Variants in RUNDC3A observed in about 807,000 individuals in gnomAD.
The protein encoded by RUNDC3A is RUN domain-containing protein 3A.
Under a neutral mutation model 53.9 loss-of-function variants are expected in RUNDC3A, and 28 were observed. That is an observed-to-expected ratio of 0.52 (90% CI 0.38 to 0.71). RUNDC3A has a LOEUF of 0.71. Among genes scored for constraint, RUNDC3A ranks in the 30% least tolerant of loss-of-function variants. The pLI is 0.00. For synonymous variants in RUNDC3A, 232 were observed against 249.4 expected (o/e 0.93, Z 0.66); for missense variants, 491 against 597.3 (o/e 0.82, Z 1.85).
Position 44,315,242 on chromosome 17 carries a change from G to A in RUNDC3A, c.717G>A (p.Pro239=), listed in dbSNP as rs1173234751. The A allele has an allele frequency of 9.0e-6, 14 of 1,550,810 alleles. No individual in the cohort carries two copies. The highest frequency in any genetic ancestry group is 1.2e-5 in the Non-Finnish European group (14 of 1,146,954). Residue 239 remains proline, a synonymous_variant, in exon 7 of 11, where the codon CCG becomes CCA. Coordinates refer to ENST00000426726, the MANE Select transcript of RUNDC3A (RefSeq NM_001144825.2). This position sits in a 1 kb window ranked among gnomAD's most constrained non-coding sequence, Gnocchi z 6.1. The stretch of plus-strand genomic sequence containing the variant: ...ACTCGCCCGAGCACCCGTACCTCCC[G>A]CTCGTCACCGATGAGGACAGCTGGT... ...EDNSPEHPYL[P]LVTDEDSWYS...
intron 1 of RUNDC3A, chr17:44,310,739 G>A (rs2047733682): frequency 1.0e-6 from 1 of 985,506 alleles, no homozygotes. Context: ...CGGGGGCAAT[G>A]ACCACCTCTG....
chr17:44,313,434 G>C lies in RUNDC3A; in HGVS notation c.389G>C (p.Arg130Pro), dbSNP rs563233289. The change falls in exon 4 of 11, where the codon CGG (arginine) becomes CCG (proline). Residue 130 changes from arginine to proline, a missense_variant. By Grantham distance (103) the Arg-to-Pro change is moderately radical (BLOSUM62 -2). Coordinates refer to ENST00000426726, the MANE Select transcript of RUNDC3A (RefSeq NM_001144825.2). ...TARAKGRAWI[R>P]VALMEKRMSE... The stretch of plus-strand genomic sequence containing the variant: ...GATTTCCAGGGCCGGGCATGGATCC[G>C]GGTGGCACTGATGGAGAAGCGCATG... 6.2e-7 allele frequency: 1 copy of C among 1,613,790 alleles called. No individual in the cohort carries two copies. The highest frequency in any genetic ancestry group is 1.3e-5 in the African/African-American group (1 of 74,900).
At position 44,312,072 on chromosome 17, in the gene RUNDC3A, C is replaced by G. The variant is rs929351416; in HGVS notation, c.108-508C>G. 2.0e-5 allele frequency among the ~76,000 whole-genome samples: 3 copies of G among 152,316 alleles called. No homozygotes were observed. The East Asian group carries it at 5.8e-4, about 29-fold the overall frequency. ...CCACACTCCATGTGCACAGTGCCAA[C>G]TCACATGCCCTGGTACAGGTGACCC... is the stretch of plus-strand genomic sequence containing the variant. On this transcript the variant is annotated intron_variant, in intron 1 of 10. Coordinates refer to ENST00000426726, the MANE Select transcript of RUNDC3A (RefSeq NM_001144825.2).
chr17:44,312,737 C>A (rs764456019), intron 2 of RUNDC3A, 42 bp downstream of exon 2: 37 of 1,006,082 alleles, frequency 3.7e-5, no homozygotes, highest in Non-Finnish European at 4.6e-5. Context: ...TCCCCCAGCG[C>A]CCCTCCCCCA....
In RUNDC3A at chr17:44,313,253, G is replaced by A. The variant is rs930727882; in HGVS notation, c.372+1G>A. The A allele has an allele frequency of 6.2e-7, 1 of 1,613,776 alleles. No individual in the cohort carries two copies. Among genetic ancestry groups the A allele is most frequent in the Non-Finnish European group, 8.5e-7 (1 of 1,179,836 alleles). ...GAACATCAGCACAGCCCGGGCCAAG[G>A]TGAGGGGCCTGAAGCAAGCAACTGC... On this transcript the variant is annotated splice_donor_variant, in intron 3 of 10. Coordinates refer to ENST00000426726, the MANE Select transcript of RUNDC3A (RefSeq NM_001144825.2). LOFTEE classifies it high-confidence loss of function.
rs890063863 is a variant in RUNDC3A, at chr17:44,316,731, C to T, written c.1198+6C>T. On this transcript the variant is annotated splice_donor_region_variant and intron_variant, in intron 10 of 10. Transcript: ENST00000426726. ...GGAGCCCTGGGGTCCCATCGGTGAG[C>T]TCCCCCAACCCAACACCCAGTACCC... The T allele has an allele frequency of 4.5e-5, 69 of 1,544,020 alleles. No homozygotes were observed. The African/African-American group carries it at 8.2e-4, about 18-fold the overall frequency.
In RUNDC3A at chr17:44,317,326, A is replaced by G. The variant is rs533205043; in HGVS notation, c.1198+601A>G. ...TAAATGGGGATGTTGATAATCACCA[A>G]TGTTGTCACATGGTGAGGGCTCAGT... On this transcript the variant is annotated intron_variant, in intron 10 of 10. Coordinates refer to ENST00000426726, the MANE Select transcript of RUNDC3A (RefSeq NM_001144825.2). 2.6e-5 allele frequency among the ~76,000 whole-genome samples: 4 copies of G among 152,270 alleles called. No individual in the cohort carries two copies. In the East Asian group the frequency reaches 7.7e-4, roughly 29 times the overall value.
rs367599802 is a variant in RUNDC3A at position 44,312,615 on chromosome 17, C to T, written c.143C>T (p.Ala48Val). The T allele has an allele frequency of 1.6e-5, 26 of 1,581,844 alleles. No individual in the cohort carries two copies. The highest frequency in any genetic ancestry group is 9.2e-5 in the East Asian group (4 of 43,308). The change falls in exon 2 of 11, where the codon GCG (alanine) becomes GTG (valine). Residue 48 changes from alanine (A) to valine (V), a missense_variant. Transcript: ENST00000426726. ...SVKTLLEKYT[A>V]EPIDDSSEEF... ...AAAACGCTGCTGGAGAAGTACACAG[C>T]GGAGCCCATCGATGACTCATCGGAG...
chr17:44,314,558 C>T lies in RUNDC3A; in HGVS notation c.459-177C>T, dbSNP rs1382395253. On this transcript the variant is annotated intron_variant, in intron 4 of 10. Transcript: ENST00000426726. ...GAACACCCATTCTAGGTGATGGGGCCACAGGTGCGAGCCCCAGGCTGAAGG... is the reference window on the plus strand; with the variant it reads ...GAACACCCATTCTAGGTGATGGGGCTACAGGTGCGAGCCCCAGGCTGAAGG... 3 of 1,437,998 alleles carry T rather than the reference C, an allele frequency of 2.1e-6. No individual in the cohort carries two copies. In the East Asian group the frequency reaches 7.5e-5, roughly 36 times the overall value. 89.1% of individuals were successfully genotyped at this position (1,437,998 alleles called of 1,614,324 possible). A position where few individuals can be genotyped will look rare whatever the true frequency, so the allele number is the denominator to read the frequency against.
At chr17:44,317,260 G>C (rs2047885807) in intron 10 of RUNDC3A, 1 of 612,156 alleles carries the variant, frequency 1.6e-6, no homozygotes, top group Non-Finnish European at 2.9e-6. Flanking sequence ...CTGACCATGT[G>C]AGCTTGGTCA....
At chr17:44,314,680 G>GC in intron 4 of RUNDC3A, 55 bp from the exon 5 acceptor site, 5 of 1,299,822 alleles carry the variant, frequency 3.8e-6, no homozygotes, top group Middle Eastern at 4.7e-4. Flanking sequence ...GCTCTGGGGG[G>GC]GGGGGGGGCG....
At chr17:44,311,709 G>A (rs988301163) in intron 1 of RUNDC3A, among the ~76,000 whole-genome samples, 3 of 152,158 alleles carry the variant, frequency 2.0e-5, no homozygotes, top group African/African-American at 4.8e-5. Flanking sequence ...GATGGCAGGG[G>A]GAGATTGCAG....
intron 3 of RUNDC3A, 55 bp downstream of exon 3, chr17:44,313,307 T>C: frequency 1.2e-6 from 2 of 1,607,660 alleles, no homozygotes; most frequent in South Asian, 1.1e-5. Flanking sequence ...GGGGCCTGCC[T>C]GTTTCTTGGT....
chr17:44,314,472 G>A lies in RUNDC3A; in HGVS notation c.459-263G>A, dbSNP rs369883750. 29 of 1,379,294 alleles carry A rather than the reference G, an allele frequency of 2.1e-5. No individual in the cohort carries two copies. In the African/African-American group the frequency reaches 3.8e-4, roughly 18 times the overall value. The allele number at this position is 1,379,294 out of a possible 1,614,324, so 85.4% of individuals were successfully genotyped here. A position where few individuals can be genotyped will look rare whatever the true frequency, so the allele number is the denominator to read the frequency against. On this transcript the variant is annotated intron_variant, in intron 4 of 10. Transcript: ENST00000426726. ...TTAAGACTTGCTTCCTGATATGAAGGATCTGGGTAACCCAGTACTTGATGA... is the reference window on the plus strand; with the variant it reads ...TTAAGACTTGCTTCCTGATATGAAGAATCTGGGTAACCCAGTACTTGATGA...
chr17:44,312,819 C>G (rs2047777037), intron 2 of RUNDC3A, 124 bp downstream of exon 2: 1 of 607,248 alleles, frequency 1.6e-6, no homozygotes, highest in African/African-American at 1.9e-5. Context: ...CCAGCCACCT[C>G]TTTCTGATAT....
At chr17:44,318,023 T>C in intron 10 of RUNDC3A, 73 bp from the exon 11 acceptor site, 1 of 1,461,218 alleles carries the variant, frequency 6.8e-7, no homozygotes. Flanking sequence ...GGCTGCCCCT[T>C]CACTGCCCAC....
Position 44,315,266 on chromosome 17 carries a change from G to C in RUNDC3A, c.741G>C (p.Trp247Cys). Residue 247 changes from tryptophan (W) to cysteine (C), a missense_variant, in exon 7 of 11, where the codon TGG becomes TGC. By Grantham distance (215) the Trp-to-Cys change is radical (BLOSUM62 -2). Coordinates refer to ENST00000426726, the MANE Select transcript of RUNDC3A (RefSeq NM_001144825.2). The surrounding 1 kb of genome is among the most constrained non-coding windows in gnomAD (Gnocchi z 6.1). ...CGCTCGTCACCGATGAGGACAGCTG[G>C]TACAGCAAGTGGCACAAGATGGAGC... ...YLPLVTDEDS[W>C]YSKWHKMEQK... The C allele has an allele frequency of 6.5e-7, 1 of 1,550,012 alleles. No homozygotes were observed.
chr17:44,317,239 C>T (rs2047885433), intron 10 of RUNDC3A: 2 of 593,616 alleles, frequency 3.4e-6, no homozygotes, highest in Admixed American at 2.9e-5. Context: ...ATAAATCTGG[C>T]TGTGCCTCCT....
At chr17:44,310,794 C>T (rs1322167684) in intron 1 of RUNDC3A, 18 of 985,510 alleles carry the variant, frequency 1.8e-5, no homozygotes, top group South Asian at 4.7e-5. Flanking sequence ...ATGCTGAACC[C>T]AGTCCAGGCC....
Sources: gnomAD v4.1 joint callset for allele counts (sites outside exome capture counted in the v4.1 genomes callset) on GRCh38, gnomAD v4.1.1 for gene constraint, Gnocchi (gnomAD v3.1) non-coding constraint, MANE v1.5 for transcripts, NCBI Gene and HGNC (gene_info 2026-07-23, HGNC 2026-07-21) for gene names.